The following MYCBP2 variants were observed in gnomAD, a reference collection of about 807,000 sequenced individuals.
MYCBP2 encodes MYC binding protein 2.
Under a neutral mutation model 525.3 loss-of-function variants are expected in MYCBP2, and 120 were observed. That is an observed-to-expected ratio of 0.23 (90% CI 0.20 to 0.27). The LOEUF is 0.27. MYCBP2 is among the 10% of genes least tolerant of loss of function. MYCBP2 has a pLI of 1.00. For synonymous variants in MYCBP2, 1,894 were observed against 1,955.8 expected, an observed-to-expected ratio of 0.97 and a Z score of 0.83; for missense variants, 4,149 against 5,657.1, an observed-to-expected ratio of 0.73 and a Z score of 8.55.
intron 40 of MYCBP2, among the ~76,000 whole-genome samples, chr13:77,166,976 TACACACACACACACACACACACACACAC>T (rs539593054): frequency 3.1e-5 from 4 of 127,140 alleles, no homozygotes; most frequent in African/African-American, 6.3e-5. Context: ...AACACACACA[TACACACACACACACACACACACACACAC>T]ACACACACAC....
At chr13:77,280,830 G>A (rs1323201491) in intron 3 of MYCBP2, among the ~76,000 whole-genome samples, 4 of 152,128 alleles carry the variant, frequency 2.6e-5, no homozygotes, top group Admixed American at 1.3e-4. Flanking sequence ...ATCTGTCTGG[G>A]TTAAACACTG....
intron 2 of MYCBP2, among the ~76,000 whole-genome samples, chr13:77,296,353 AC>A (rs1205882344): frequency 6.6e-6 from 1 of 152,008 alleles, no homozygotes; most frequent in Non-Finnish European, 1.5e-5. Context: ...CCAGGAAACT[AC>A]TGGACTCCAG....
At chr13:77,223,886 G>A (rs968992194) in intron 20 of MYCBP2, among the ~76,000 whole-genome samples, 17 of 151,860 alleles carry the variant, frequency 1.1e-4, no homozygotes, top group Non-Finnish European at 1.9e-4. Context: ...TTAGCTGCAC[G>A]ATCATGTCAC....
chr13:77,048,346 T>A (rs1050100587), intron 82 of MYCBP2, among the ~76,000 whole-genome samples: 10 of 152,216 alleles, frequency 6.6e-5, no homozygotes, highest in African/African-American at 2.2e-4. Flanking sequence ...AAATTTCCAC[T>A]GTTTATAAGC....
In MYCBP2 at chr13:77,051,128, T is replaced by C; in HGVS notation, c.13790A>G (p.Tyr4597Cys). The C allele has an allele frequency of 6.2e-7, 1 of 1,611,944 alleles. No homozygotes were observed. Among genetic ancestry groups the C allele is most frequent in the Non-Finnish European group, 8.5e-7 (1 of 1,179,488 alleles). The part of the protein sequence containing the change: ...CPKHGTDFLE[Y>C]KCRYCCSVAV... ...CACTGAACAGCAGTAGCGACATTTATATTCCAAAAAGTCTGTGCCATGTTT... is the reference window on the plus strand; with the variant it reads ...CACTGAACAGCAGTAGCGACATTTACATTCCAAAAAGTCTGTGCCATGTTT... Residue 4597 changes from tyrosine (Y) to cysteine (C), a missense_variant, in exon 82 of 83, where the codon TAT becomes TGT. Coordinates refer to ENST00000544440, the MANE Select transcript of MYCBP2 (RefSeq NM_015057.5).
chr13:77,065,650 G>T (rs1043714549), intron 72 of MYCBP2, among the ~76,000 whole-genome samples: 1 of 152,204 alleles, frequency 6.6e-6, no homozygotes, highest in Non-Finnish European at 1.5e-5. Context: ...AGGAGAATGA[G>T]AAACTTCCAC....
intron 1 of MYCBP2, among the ~76,000 whole-genome samples, chr13:77,314,604 G>T (rs2080700956): frequency 6.6e-6 from 1 of 152,216 alleles, no homozygotes; most frequent in Non-Finnish European, 1.5e-5. Context: ...CTGGGGTTGA[G>T]TGGCAGAGAA....
At chr13:77,188,303 A>C (rs1278506230) in intron 30 of MYCBP2, among the ~76,000 whole-genome samples, 5 of 152,208 alleles carry the variant, frequency 3.3e-5, no homozygotes, top group African/African-American at 7.2e-5. Context: ...TAGCTATATT[A>C]ATAAATCACA....
In MYCBP2 at chr13:77,161,973, A is replaced by T; in HGVS notation, c.6548-18T>A. The T allele has an allele frequency of 6.5e-7, 1 of 1,546,000 alleles. No homozygotes were observed. Among genetic ancestry groups the T allele is most frequent in the Non-Finnish European group, 8.9e-7 (1 of 1,127,930 alleles). ...TTCATTACCTGTTGTGTAAATAAAG[A>T]GTTTTACTAAAATATGTCAATATTT... On this transcript the variant is annotated intron_variant, in intron 43 of 82. Transcript: ENST00000544440.
At position 77,267,948 on chromosome 13, in the gene MYCBP2, C is replaced by T. The variant is rs369397476; in HGVS notation, c.1261-11G>A. 626 of 1,578,656 alleles carry T rather than the reference C, an allele frequency of 4.0e-4. 6 individuals are homozygous for T. The highest frequency in any genetic ancestry group is 3.5e-3 in the South Asian group (309 of 88,832). On this transcript the variant is annotated splice_polypyrimidine_tract_variant and intron_variant, in intron 7 of 82. Coordinates refer to ENST00000544440, the MANE Select transcript of MYCBP2 (RefSeq NM_015057.5). ...ATATAATAAATAACCCTGATAACAG[C>T]AAAAAATTTTCCTGTTAAAATATTT...
At chr13:77,166,637 T>C in intron 40 of MYCBP2, 83 bp from the exon 41 acceptor site, 1 of 833,862 alleles carries the variant, frequency 1.2e-6, no homozygotes, top group East Asian at 2.5e-5. Flanking sequence ...TGTGTGTGTG[T>C]CTATGCTTTT....
chr13:77,044,832 C>G lies in MYCBP2; in HGVS notation c.*546G>C, dbSNP rs1276200310. On this transcript the variant is annotated 3_prime_UTR_variant, in exon 83 of 83. Transcript: ENST00000544440. ...CATTTGTAATTTAGTAATTCTTATA[C>G]AGGACAAACATTGATATGTTTATAT... is the stretch of plus-strand genomic sequence containing the variant. The G allele has an allele frequency of 2.5e-6, 1 of 398,274 alleles. No individual in the cohort carries two copies. Among genetic ancestry groups the G allele is most frequent in the Non-Finnish European group, 4.4e-6 (1 of 225,974 alleles). 24.7% of individuals were successfully genotyped at this position (398,274 alleles called of 1,614,324 possible).
chr13:77,320,216 T>C (rs1427032461), intron 1 of MYCBP2, among the ~76,000 whole-genome samples: 2 of 152,200 alleles, frequency 1.3e-5, no homozygotes, highest in Non-Finnish European at 2.9e-5. Context: ...CTCAGGGCAA[T>C]GCGTGGAGTG....
intron 4 of MYCBP2, among the ~76,000 whole-genome samples, chr13:77,277,762 T>A (rs1350013962): frequency 6.6e-6 from 1 of 152,198 alleles, no homozygotes. Flanking sequence ...CTCTGATACA[T>A]GCTAATGAGA....
intron 31 of MYCBP2, 70 bp downstream of exon 31, chr13:77,185,801 T>A: frequency 8.5e-7 from 1 of 1,178,308 alleles, no homozygotes; most frequent in Non-Finnish European, 1.2e-6. Context: ...CTCTCAGTTA[T>A]CTCAAAGTAA....
At chr13:77,180,993 G>A (rs2060166829) in intron 33 of MYCBP2, among the ~76,000 whole-genome samples, 1 of 152,218 alleles carries the variant, frequency 6.6e-6, no homozygotes, top group Non-Finnish European at 1.5e-5. Flanking sequence ...ATATTTAGCT[G>A]TAATGCAACT....
At chr13:77,090,031 T>A in intron 60 of MYCBP2, 75 bp downstream of exon 60, 1 of 1,293,528 alleles carries the variant, frequency 7.7e-7, no homozygotes, top group Non-Finnish European at 1.0e-6. Context: ...ATTTTAAAAA[T>A]TATATGCAAA....
intron 43 of MYCBP2, among the ~76,000 whole-genome samples, chr13:77,162,376 T>A (rs1186763124): frequency 2.0e-5 from 3 of 152,232 alleles, no homozygotes; most frequent in Non-Finnish European, 4.4e-5. Flanking sequence ...AGGCAGTGAC[T>A]GCATCCCCTA....
chr13:77,179,385 A>T (rs1361146200), intron 34 of MYCBP2, among the ~76,000 whole-genome samples: 1 of 152,176 alleles, frequency 6.6e-6, no homozygotes, highest in African/African-American at 2.4e-5. Flanking sequence ...TAGGAGGAAA[A>T]AACAGAAACA....
Sources: gnomAD v4.1 joint callset for allele counts (sites outside exome capture counted in the v4.1 genomes callset) on GRCh38, gnomAD v4.1.1 for gene constraint, MANE v1.5 for transcripts, NCBI Gene and HGNC (gene_info 2026-07-23, HGNC 2026-07-21) for gene names.